Variants in EVC2 observed in about 807,000 individuals in gnomAD.
EVC2 encodes the protein limbin.
EVC2 carries 148 observed loss-of-function variants against 149.3 expected under a neutral mutation model. The observed-to-expected ratio is 0.99, with a 90% CI of 0.87 to 1.14. EVC2 has a LOEUF of 1.14. Among genes scored for constraint, EVC2 ranks in the 50% most tolerant of loss-of-function variants. The probability of loss-of-function intolerance (pLI) is 0.00; values close to 1 mark genes in which losing one functional copy is unlikely to be tolerated. For missense variants in EVC2, 1,854 were observed against 1,627.3 expected (o/e 1.14, Z -2.40); for synonymous variants, 776 against 649.9 (o/e 1.19, Z -2.95).
At chr4:5,644,946 T>G (rs1025195717) in intron 9 of EVC2, among the ~76,000 whole-genome samples, 8 of 152,234 alleles carry the variant, frequency 5.3e-5, no homozygotes, top group Non-Finnish European at 8.8e-5. Flanking sequence ...CTTAGGTTGA[T>G]TTCACATTTT....
chr4:5,703,414 G>A (rs1308682349), intron 1 of EVC2, among the ~76,000 whole-genome samples: 1 of 152,170 alleles, frequency 6.6e-6, no homozygotes, highest in Non-Finnish European at 1.5e-5. Flanking sequence ...GGCACGTTGA[G>A]TGCTACATCC....
chr4:5,706,385 G>GATAGATAGCTAGATAGATAC (rs1577281421), intron 1 of EVC2, among the ~76,000 whole-genome samples: 3 of 44,178 alleles, frequency 6.8e-5, no homozygotes, highest in Admixed American at 2.5e-4. Context: ...TAGATACATA[G>GATAGATAGCTAGATAGATAC]ATAGATACAT....
chr4:5,560,544 G>A (rs1312759040), downstream of EVC2, among the ~76,000 whole-genome samples: 2 of 152,056 alleles, frequency 1.3e-5, no homozygotes, highest in African/African-American at 2.4e-5. The surrounding 1 kb of genome is among the most constrained non-coding windows in gnomAD (Gnocchi z 4.1). Flanking sequence ...AGGGGAAACC[G>A]CCCCCATGAT....
Position 5,631,916 on chromosome 4 carries a change from CAGCT to C in EVC2, c.1583_1586del (p.Gln528ArgfsTer17). 1 of 1,614,162 alleles carries C rather than the reference CAGCT, an allele frequency of 6.2e-7. No individual in the cohort carries two copies. Among genetic ancestry groups the C allele is most frequent in the Non-Finnish European group, 8.5e-7 (1 of 1,180,012 alleles). The stretch of plus-strand genomic sequence containing the variant: ...GCAGTTCATTTCTCTGGAAAACAGC[CAGCT>C]GTCTGTGAGCTTTGGCAAAGTCTTC... On this transcript the variant is annotated frameshift_variant, in exon 11 of 22. Transcript: ENST00000344408. LOFTEE classifies it high-confidence loss of function.
In EVC2 at chr4:5,615,598, T is replaced by G. The variant is rs950276423; in HGVS notation, c.2707-54A>C. 4 of 1,613,394 alleles carry G rather than the reference T, an allele frequency of 2.5e-6. No individual in the cohort carries two copies. In the African/African-American group the frequency reaches 5.3e-5, roughly 22 times the overall value. ...AAGAAGGCAATCACCAGCAAGTCCA[T>G]GCAGCTCCCCCGAGGGCTTTGCAGG... On this transcript the variant is annotated intron_variant, in intron 15 of 21. Transcript: ENST00000344408.
chr4:5,543,846 A>T (rs1196610231), intron 21 of EVC2, among the ~76,000 whole-genome samples: 1 of 152,180 alleles, frequency 6.6e-6, no homozygotes, highest in African/African-American at 2.4e-5. Flanking sequence ...CACAGCATCC[A>T]CCACCCCTGC....
intron 9 of EVC2, among the ~76,000 whole-genome samples, chr4:5,660,067 C>A (rs1326629801): frequency 1.3e-5 from 2 of 152,214 alleles, no homozygotes; most frequent in African/African-American, 4.8e-5. Flanking sequence ...CATTGCTCGT[C>A]CATTTCTCCC....
At chr4:5,645,660 C>G (rs1717657774) in intron 9 of EVC2, among the ~76,000 whole-genome samples, 1 of 152,128 alleles carries the variant, frequency 6.6e-6, no homozygotes, top group Non-Finnish European at 1.5e-5. Flanking sequence ...TCCAGTCTAC[C>G]ACTGATGAGC....
At position 5,678,765 on chromosome 4, in the gene EVC2, C is replaced by A. The variant is rs1283204062; in HGVS notation, c.870+2495G>T. 3.9e-5 allele frequency among the ~76,000 whole-genome samples: 6 copies of A among 152,128 alleles called. No homozygotes were observed. The East Asian group carries it at 1.2e-3, about 30-fold the overall frequency. ...ACAGATCCAAGTATGGAAAAGGTAC[C>A]AAAGCCTGTAATCCCAGCACTTTGG... On this transcript the variant is annotated intron_variant, in intron 7 of 21. Coordinates refer to ENST00000344408, the MANE Select transcript of EVC2 (RefSeq NM_147127.5).
downstream of EVC2, among the ~76,000 whole-genome samples, chr4:5,541,000 C>G (rs575494657): frequency 6.6e-6 from 1 of 152,260 alleles, no homozygotes; most frequent in East Asian, 1.9e-4. Flanking sequence ...CTAAGCATTC[C>G]CCATCATTGC....
the EVC2 span, among the ~76,000 whole-genome samples, chr4:5,532,788 G>A: frequency 1.3e-5 from 2 of 151,868 alleles, no homozygotes; most frequent in Non-Finnish European, 2.9e-5. Flanking sequence ...AGCATTGATC[G>A]AATCTGTTTC....
chr4:5,554,278 G>A (rs537296914), intron 21 of EVC2, among the ~76,000 whole-genome samples: 1 of 152,254 alleles, frequency 6.6e-6, no homozygotes, highest in Non-Finnish European at 1.5e-5. Flanking sequence ...GCTGTGACCT[G>A]CTTATCTGGA....
intron 21 of EVC2, among the ~76,000 whole-genome samples, chr4:5,551,005 T>C (rs987187955): frequency 1.3e-5 from 2 of 152,144 alleles, no homozygotes; most frequent in African/African-American, 4.8e-5. Flanking sequence ...ATTTCAGAAA[T>C]TGTATGGAAA....
Position 5,708,555 on chromosome 4 carries a change from G to A in EVC2, c.-42C>T, listed in dbSNP as rs1722373503. ...CTACCTCAAAGCGGCGGGTGCCGCC[G>A]AGTCGCTGGAGCTTCCGGACCCCAG... On this transcript the variant is annotated 5_prime_UTR_variant, in exon 1 of 22. Coordinates refer to ENST00000344408, the MANE Select transcript of EVC2 (RefSeq NM_147127.5). The A allele has an allele frequency of 2.2e-6, 3 of 1,337,054 alleles. No individual in the cohort carries two copies. The highest frequency in any genetic ancestry group is 2.9e-6 in the Non-Finnish European group (3 of 1,031,186). The allele number at this position is 1,337,054 out of a possible 1,614,324, so 82.8% of individuals were successfully genotyped here.
intron 12 of EVC2, among the ~76,000 whole-genome samples, chr4:5,626,328 CT>C (rs1354060628): frequency 1.7e-5 from 2 of 120,280 alleles, no homozygotes; most frequent in African/African-American, 1.0e-4. Flanking sequence ...AAACGTTCTT[CT>C]TGTTTTTTTT....
At chr4:5,667,278 GT>G (rs1719342312) in intron 7 of EVC2, among the ~76,000 whole-genome samples, 1 of 151,580 alleles carries the variant, frequency 6.6e-6, no homozygotes, top group Admixed American at 6.6e-5. Flanking sequence ...TCTTGATGAG[GT>G]TTTTCACCTT....
intron 3 of EVC2, among the ~76,000 whole-genome samples, chr4:5,691,549 T>G (rs1560230506): frequency 6.6e-6 from 1 of 152,304 alleles, no homozygotes; most frequent in East Asian, 1.9e-4. Context: ...TACACCACAG[T>G]GTATTCCTGG....
chr4:5,643,488 C>T (rs994595952), intron 9 of EVC2, among the ~76,000 whole-genome samples: 5 of 152,214 alleles, frequency 3.3e-5, no homozygotes, highest in African/African-American at 1.2e-4. Context: ...GCTCCAGTGT[C>T]ATGTCAAACT....
intron 21 of EVC2, among the ~76,000 whole-genome samples, chr4:5,546,250 A>G (rs1303885659): frequency 1.3e-5 from 2 of 152,206 alleles, no homozygotes; most frequent in African/African-American, 2.4e-5. Context: ...TGCTGCTATA[A>G]AGGCACATGC....
Sources: gnomAD v4.1 joint callset for allele counts (sites outside exome capture counted in the v4.1 genomes callset) on GRCh38, gnomAD v4.1.1 for gene constraint, Gnocchi (gnomAD v3.1) non-coding constraint, MANE v1.5 for transcripts, NCBI Gene and HGNC (gene_info 2026-07-23, HGNC 2026-07-21) for gene names.